PRTG: variants seen among roughly 807,000 people sequenced by gnomAD.
PRTG encodes the protein protogenin.
PRTG carries 67 observed loss-of-function variants against 122.5 expected under a neutral mutation model. The ratio of observed to expected loss-of-function variants is 0.55; its 90% CI spans 0.45 to 0.67. The LOEUF is 0.67. Ranked by LOEUF, PRTG falls within the 30% of genes least tolerant of loss-of-function variation. The pLI, the probability that PRTG is intolerant of heterozygous loss-of-function variation, is 0.00. For missense variants in PRTG, 1,435 were observed against 1,415.4 expected, an observed-to-expected ratio of 1.01 and a Z score of -0.22; for synonymous variants, 554 against 501.1, an observed-to-expected ratio of 1.11 and a Z score of -1.41.
At chr15:55,682,600 T>C (rs2059546879) in intron 3 of PRTG, 103 bp from the exon 4 acceptor site, 1 of 391,562 alleles carries the variant, frequency 2.6e-6, no homozygotes, top group Admixed American at 5.9e-5. Context: ...GTTTCACTCT[T>C]GTTGCCCCGG....
intron 2 of PRTG, among the ~76,000 whole-genome samples, chr15:55,689,074 CCA>C (rs1368357154): frequency 2.6e-5 from 4 of 152,158 alleles, no homozygotes; most frequent in Non-Finnish European, 5.9e-5. Context: ...CTCACCTGAA[CCA>C]CTATCAGCCT....
chr15:55,620,275 A>G lies in PRTG; in HGVS notation c.3199-9T>C. 1 of 1,613,122 alleles carries G rather than the reference A, an allele frequency of 6.2e-7. No homozygotes were observed. The highest frequency in any genetic ancestry group is 1.1e-5 in the South Asian group (1 of 90,968). On this transcript the variant is annotated splice_polypyrimidine_tract_variant and intron_variant, in intron 19 of 19. Coordinates refer to ENST00000389286, the MANE Select transcript of PRTG (RefSeq NM_173814.6). ...GTAAATCTTCTTTGAGGCTAGGCAA[A>G]AAAAGATAAGATGGCAATGAGATAC...
intron 1 of PRTG, chr15:55,742,596 G>GGGCGTGCGCCCGGAGA (rs1253015574): frequency 1.9e-5 from 9 of 483,180 alleles, no homozygotes; most frequent in Non-Finnish European, 3.3e-5. Flanking sequence ...CGGCGCGGAG[G>GGGCGTGCGCCCGGAGA]GGCGTGCGCC....
At chr15:55,714,636 T>C (rs2030531880) in intron 2 of PRTG, among the ~76,000 whole-genome samples, 1 of 152,260 alleles carries the variant, frequency 6.6e-6, no homozygotes, top group East Asian at 1.9e-4. Context: ...AAGCTCAAAG[T>C]ACTTTTAATT....
intron 2 of PRTG, among the ~76,000 whole-genome samples, chr15:55,702,136 G>A (rs2029916776): frequency 6.6e-6 from 1 of 152,080 alleles, no homozygotes; most frequent in Non-Finnish European, 1.5e-5. Context: ...AAACAGAAAA[G>A]ATTCTATTTA....
intron 1 of PRTG, 138 bp from the exon 2 acceptor site, chr15:55,740,822 C>G: frequency 1.4e-6 from 1 of 698,274 alleles, no homozygotes; most frequent in Non-Finnish European, 2.3e-6. Context: ...TTACAAACAC[C>G]TTAATGAACC....
intron 17 of PRTG, 21 bp downstream of exon 17, chr15:55,626,987 T>G (rs192353503): frequency 6.3e-7 from 1 of 1,587,886 alleles, no homozygotes; most frequent in East Asian, 2.3e-5. Flanking sequence ...CACCTCAACA[T>G]CTCTAGCAAT....
At position 55,619,121 on chromosome 15, in the gene PRTG, C is replaced by T. The variant is rs1418723411; in HGVS notation, c.*891G>A. ...GACAGTGCAGCCTTTGGCCAACCGT[C>T]AGGCAAAGGGGAAGGTAGAAAAGGC... On this transcript the variant is annotated 3_prime_UTR_variant, in exon 20 of 20. Coordinates refer to ENST00000389286, the MANE Select transcript of PRTG (RefSeq NM_173814.6). The T allele has an allele frequency of 1.3e-5, 2 of 152,148 alleles. No homozygotes were observed. The highest frequency in any genetic ancestry group is 6.5e-5 in the Admixed American group (1 of 15,276). The allele number at this position is 152,148 out of a possible 1,614,324, so 9.4% of individuals were successfully genotyped here.
chr15:55,611,586 A>G lies in PRTG; in HGVS notation c.*8426T>C. On this transcript the variant is annotated 3_prime_UTR_variant, in exon 20 of 20. Coordinates refer to ENST00000389286, the MANE Select transcript of PRTG (RefSeq NM_173814.6). ...AAGCTTTTATTTAAATTGTGCAATCAATCAGTATTTAGACAGCAGTTTCAT... is the reference window on the plus strand; with the variant it reads ...AAGCTTTTATTTAAATTGTGCAATCGATCAGTATTTAGACAGCAGTTTCAT... The G allele has an allele frequency of 6.6e-6, 1 of 152,140 alleles. No homozygotes were observed. The highest frequency in any genetic ancestry group is 1.5e-5 in the Non-Finnish European group (1 of 67,986). The allele number at this position is 152,140 out of a possible 1,614,324, so 9.4% of individuals were successfully genotyped here. A position where few individuals can be genotyped will look rare whatever the true frequency, so the allele number is the denominator to read the frequency against.
intron 11 of PRTG, among the ~76,000 whole-genome samples, chr15:55,653,168 T>C (rs1285451355): frequency 6.6e-6 from 1 of 152,202 alleles, no homozygotes; most frequent in African/African-American, 2.4e-5. Flanking sequence ...GAGTATAAAA[T>C]AGACAGAACG....
chr15:55,737,029 A>G (rs1431805450), intron 2 of PRTG, among the ~76,000 whole-genome samples: 2 of 152,240 alleles, frequency 1.3e-5, no homozygotes, highest in East Asian at 3.8e-4. Flanking sequence ...ACCTATTTCA[A>G]CATTAAGAAT....
chr15:55,672,731 C>A, intron 10 of PRTG, 98 bp from the exon 11 acceptor site: 2 of 820,678 alleles, frequency 2.4e-6, no homozygotes, highest in Non-Finnish European at 1.8e-6. Flanking sequence ...AAACAATTAC[C>A]AAAAGGTTCA....
At chr15:55,667,999 AG>A (rs1334926657) in intron 11 of PRTG, among the ~76,000 whole-genome samples, 1 of 152,196 alleles carries the variant, frequency 6.6e-6, no homozygotes, top group Non-Finnish European at 1.5e-5. Context: ...CTGAGGTAGG[AG>A]GATTGCTTGA....
intron 2 of PRTG, among the ~76,000 whole-genome samples, chr15:55,724,948 T>C (rs1280546523): frequency 1.3e-5 from 2 of 152,138 alleles, no homozygotes; most frequent in African/African-American, 4.8e-5. Flanking sequence ...CGAAAGGACA[T>C]TGAACAGCTG....
At chr15:55,622,043 G>A (rs2059168938) in intron 18 of PRTG, among the ~76,000 whole-genome samples, 1 of 152,000 alleles carries the variant, frequency 6.6e-6, no homozygotes, top group Admixed American at 6.6e-5. Flanking sequence ...AATTAAGAGA[G>A]ATACTCTCCA....
chr15:55,624,939 T>TA (rs1475250125), intron 17 of PRTG, among the ~76,000 whole-genome samples: 4 of 152,200 alleles, frequency 2.6e-5, no homozygotes, highest in African/African-American at 9.6e-5. Flanking sequence ...AAAAAATTCT[T>TA]AAAGTGAGAA....
At chr15:55,669,123 G>A (rs2059454265) in intron 11 of PRTG, among the ~76,000 whole-genome samples, 1 of 151,302 alleles carries the variant, frequency 6.6e-6, no homozygotes, top group Non-Finnish European at 1.5e-5. Context: ...AGGAGAGTAT[G>A]TCCCAATAAT....
chr15:55,623,475 G>A (rs2059177714), intron 18 of PRTG, among the ~76,000 whole-genome samples: 2 of 152,158 alleles, frequency 1.3e-5, no homozygotes, highest in African/African-American at 2.4e-5. Context: ...GCTGAGGCAG[G>A]AGAATCGCTC....
chr15:55,629,369 A>ATGTG (rs1413549067), intron 15 of PRTG, among the ~76,000 whole-genome samples: 33 of 34,378 alleles, frequency 9.6e-4, no homozygotes, highest in African/African-American at 3.3e-3. Flanking sequence ...GTATATATAT[A>ATGTG]TATATATGTG....
Sources: allele counts gnomAD v4.1 joint callset (sites outside exome capture counted in the v4.1 genomes callset), GRCh38; gene constraint gnomAD v4.1.1; transcripts MANE v1.5; gene names NCBI Gene and HGNC (gene_info 2026-07-23, HGNC 2026-07-21).